KIAA1217: variants seen among roughly 807,000 people sequenced by gnomAD.
The protein encoded by KIAA1217 is KIAA1217, also known as sickle tail protein homolog.
A neutral mutation model predicts 163.9 loss-of-function variants in KIAA1217; 88 were observed. The observed-to-expected ratio is 0.54, with a 90% CI of 0.45 to 0.64. The LOEUF is 0.64. KIAA1217 is among the 30% of genes least tolerant of loss of function. KIAA1217 has a pLI of 0.00. For synonymous variants in KIAA1217, 903 were observed against 923.1 expected, an observed-to-expected ratio of 0.98 and a Z score of 0.39; for missense variants, 2,372 against 2,475.0, an observed-to-expected ratio of 0.96 and a Z score of 0.88.
intron 2 of KIAA1217, among the ~76,000 whole-genome samples, chr10:24,162,202 G>C (rs1242300000): frequency 6.6e-6 from 1 of 152,192 alleles, no homozygotes; most frequent in Non-Finnish European, 1.5e-5. Flanking sequence ...TAACAGGGCA[G>C]GGAAAGAACA....
At chr10:23,761,517 G>A (rs1312334147) in intron 1 of KIAA1217, among the ~76,000 whole-genome samples, 1 of 152,162 alleles carries the variant, frequency 6.6e-6, no homozygotes, top group Non-Finnish European at 1.5e-5. Flanking sequence ...TATTACGGGA[G>A]TCATTCAGGA....
intron 2 of KIAA1217, among the ~76,000 whole-genome samples, chr10:24,185,707 A>AT (rs1349818551): frequency 2.0e-5 from 3 of 152,162 alleles, no homozygotes; most frequent in African/African-American, 7.2e-5. Context: ...AGGCAGGAGA[A>AT]TTGCTTGAAC....
intron 2 of KIAA1217, among the ~76,000 whole-genome samples, chr10:24,030,501 CTG>C (rs1201587730): frequency 2.0e-5 from 3 of 152,178 alleles, no homozygotes; most frequent in Non-Finnish European, 1.5e-5. Context: ...CCATGTGCAA[CTG>C]TGAGTCACTT....
At chr10:24,049,449 G>A (rs1849324135) in intron 2 of KIAA1217, among the ~76,000 whole-genome samples, 1 of 152,054 alleles carries the variant, frequency 6.6e-6, no homozygotes, top group Non-Finnish European at 1.5e-5. Context: ...GGGTACATGT[G>A]CAGAACATAC....
intron 2 of KIAA1217, among the ~76,000 whole-genome samples, chr10:24,328,026 C>A (rs2045156349): frequency 6.6e-6 from 1 of 152,262 alleles, no homozygotes; most frequent in African/African-American, 2.4e-5. Flanking sequence ...TTGTAACTCC[C>A]TGATTGGGAC....
intron 2 of KIAA1217, among the ~76,000 whole-genome samples, chr10:24,126,472 A>C (rs1414233678): frequency 6.6e-6 from 1 of 152,244 alleles, no homozygotes; most frequent in East Asian, 1.9e-4. Flanking sequence ...TAGGGTCCAA[A>C]GTCCCATATT....
chr10:24,308,987 G>T (rs1452722463), intron 2 of KIAA1217, among the ~76,000 whole-genome samples: 1 of 152,054 alleles, frequency 6.6e-6, no homozygotes, highest in South Asian at 2.1e-4. Context: ...GCTAGGCATG[G>T]TGGCTAATGC....
intron 2 of KIAA1217, among the ~76,000 whole-genome samples, chr10:24,033,339 T>C (rs146034059): frequency 8.3e-4 from 127 of 152,308 alleles, no homozygotes; most frequent in African/African-American, 2.9e-3. Flanking sequence ...ACAGGATAAA[T>C]GCAGACCACA....
intron 3 of KIAA1217, among the ~76,000 whole-genome samples, chr10:24,415,300 A>G (rs1194019206): frequency 6.6e-6 from 1 of 151,824 alleles, no homozygotes; most frequent in African/African-American, 2.4e-5. Flanking sequence ...GTTTTAGTAG[A>G]GACAGGATTT....
At chr10:24,183,273 T>C (rs1395939592) in intron 2 of KIAA1217, among the ~76,000 whole-genome samples, 1 of 152,188 alleles carries the variant, frequency 6.6e-6, no homozygotes, top group Non-Finnish European at 1.5e-5. Context: ...CAGTTTCAGG[T>C]ACTCTTTTAT....
At chr10:24,395,008 A>G (rs1014783857) in intron 3 of KIAA1217, among the ~76,000 whole-genome samples, 1 of 152,036 alleles carries the variant, frequency 6.6e-6, no homozygotes, top group Non-Finnish European at 1.5e-5. Context: ...CATTTCTCAC[A>G]ATTTCCCAGG....
At chr10:24,204,402 T>C (rs1012668771), upstream of KIAA1217, among the ~76,000 whole-genome samples, 4 of 152,208 alleles carry the variant, frequency 2.6e-5, no homozygotes, top group South Asian at 4.1e-4. Context: ...ATCTGCGAAA[T>C]TGTTTGTTAG....
intron 1 of KIAA1217, among the ~76,000 whole-genome samples, chr10:23,817,189 A>G (rs1046205606): frequency 6.6e-6 from 1 of 151,996 alleles, no homozygotes; most frequent in Non-Finnish European, 1.5e-5. Flanking sequence ...CTGGGAGGCT[A>G]TATCACTCTT....
chr10:24,516,429 G>A lies in KIAA1217; in HGVS notation c.2177+2995G>A, dbSNP rs536598919. 7.5e-4 allele frequency among the ~76,000 whole-genome samples: 115 copies of A among 152,344 alleles called. 3 individuals are homozygous for A. The South Asian group carries it at 0.024, about 32-fold the overall frequency. The stretch of plus-strand genomic sequence containing the variant: ...TGGAAGATTCTGTAAGAGAAACCTG[G>A]ATTTCTGGCTTTTCTTGAAAGTTCC... On this transcript the variant is annotated intron_variant, in intron 10 of 20. Coordinates refer to ENST00000376454, the MANE Select transcript of KIAA1217 (RefSeq NM_019590.5).
intron 1 of KIAA1217, among the ~76,000 whole-genome samples, chr10:23,696,276 G>A (rs1160915130): frequency 6.6e-6 from 1 of 152,216 alleles, no homozygotes; most frequent in Non-Finnish European, 1.5e-5. Flanking sequence ...GCGTGGGCCA[G>A]CTCGCCTACC....
intron 2 of KIAA1217, among the ~76,000 whole-genome samples, chr10:24,295,216 T>C (rs1321667670): frequency 6.6e-6 from 1 of 152,216 alleles, no homozygotes; most frequent in Non-Finnish European, 1.5e-5. Context: ...TAGCATCTCT[T>C]AGTTATTTCC....
In KIAA1217 at chr10:24,076,873, C is replaced by T. The variant is rs2061383262; in HGVS notation, c.-171+69499C>T. 1.4e-5 allele frequency among the ~76,000 whole-genome samples: 2 copies of T among 143,788 alleles called. 1 individual carries two copies. The highest frequency in any genetic ancestry group is 4.2e-4 in the South Asian group (2 of 4,752). 94.3% of individuals were successfully genotyped at this position (143,788 alleles called of 152,430 possible). On this transcript the variant is annotated intron_variant, in intron 2 of 18. Transcript: ENST00000376462. ...AAGTTAAACTGCTAATTTTTTATTTCCATCTTTTTTTTTTTTTTTTTGAGA... is the reference window on the plus strand; with the variant it reads ...AAGTTAAACTGCTAATTTTTTATTTTCATCTTTTTTTTTTTTTTTTTGAGA...
chr10:24,271,305 G>T (rs1009987077), intron 2 of KIAA1217, among the ~76,000 whole-genome samples: 3 of 152,116 alleles, frequency 2.0e-5, no homozygotes, highest in African/African-American at 7.2e-5. Context: ...CTCCCTAGGA[G>T]TGAAATTTCA....
At chr10:24,040,640 A>G (rs144597342) in intron 2 of KIAA1217, among the ~76,000 whole-genome samples, 235 of 152,300 alleles carry the variant, frequency 1.5e-3, no homozygotes, top group African/African-American at 5.4e-3. Context: ...CATTTGCAGG[A>G]CACTTCTCAT....
Sources: gnomAD v4.1 joint callset for allele counts (sites outside exome capture counted in the v4.1 genomes callset) on GRCh38, gnomAD v4.1.1 for gene constraint, MANE v1.5 for transcripts, NCBI Gene and HGNC (gene_info 2026-07-23, HGNC 2026-07-21) for gene names.